The following ZFHX3 variants were observed in gnomAD, a reference collection of about 807,000 sequenced individuals.
ZFHX3 encodes zinc finger homeobox 3.
A neutral mutation model predicts 279.1 loss-of-function variants in ZFHX3; 42 were observed. That is an observed-to-expected ratio of 0.15 (90% CI 0.12 to 0.19). The LOEUF (loss-of-function observed/expected upper bound fraction) is 0.19, where lower values mean the gene tolerates loss of function less well. Ranked by LOEUF, ZFHX3 falls within the 10% of genes least tolerant of loss-of-function variation. The probability of loss-of-function intolerance (pLI) is 1.00; values close to 1 mark genes in which losing one functional copy is unlikely to be tolerated. For missense variants in ZFHX3, 4,981 were observed against 4,754.0 expected (o/e 1.05, Z -1.40); for synonymous variants, 2,293 against 1,957.8 (o/e 1.17, Z -4.52).
intron 2 of ZFHX3, chr16:73,554,536 C>T (rs2020246025): frequency 6.6e-6 from 1 of 152,242 alleles, no homozygotes; most frequent in South Asian, 2.1e-4. Flanking sequence ...CTTCTCTTTG[C>T]TTTCTACAGA....
At chr16:72,967,687 C>T (rs28780443) in intron 1 of ZFHX3, among the ~76,000 whole-genome samples, 2,106 of 150,318 alleles carry the variant, frequency 0.014, 42 homozygotes, top group African/African-American at 0.047. Context: ...GAGGCCGAGG[C>T]GGGCAGATCA....
intron 2 of ZFHX3, among the ~76,000 whole-genome samples, chr16:73,459,368 T>G (rs1372659677): frequency 2.6e-5 from 4 of 152,204 alleles, no homozygotes; most frequent in Non-Finnish European, 4.4e-5. Context: ...TGTTGTTGTT[T>G]TTTTTTCTGA....
At chr16:73,673,927 T>C (rs890814735) in intron 2 of ZFHX3, among the ~76,000 whole-genome samples, 13 of 152,268 alleles carry the variant, frequency 8.5e-5, no homozygotes, top group Admixed American at 6.5e-4. Context: ...AGGAGACAGG[T>C]ATGAGAGCAA....
At position 72,797,295 on chromosome 16, in the gene ZFHX3, A is replaced by T; in HGVS notation, c.5387T>A (p.Leu1796His). 1.2e-6 allele frequency: 2 copies of T among 1,608,094 alleles called. No individual in the cohort carries two copies. The highest frequency in any genetic ancestry group is 1.7e-6 in the Non-Finnish European group (2 of 1,176,478). ...ACTGGGGATGTAGAAAGGGAAGAGG[A>T]GGTGCTGCTGCTGCTGTAGTTGCAG... ...TLLQLQQQQH[L>H]LFPFYIPSAE... The change falls in exon 9 of 10, where the codon CTC (leucine) becomes CAC (histidine). Residue 1796 changes from leucine (L) to histidine (H), a missense_variant. Leu to His is a moderately conservative substitution (Grantham distance 99). Around this residue, in one of 7 missense-constraint regions of ZFHX3, gnomAD observed 1,751 missense variants for 1,770.0 expected, o/e 0.99. Coordinates refer to ENST00000268489, the MANE Select transcript of ZFHX3 (RefSeq NM_006885.4).
intron 7 of ZFHX3, among the ~76,000 whole-genome samples, chr16:73,108,174 C>T (rs1413831976): frequency 6.6e-6 from 1 of 151,612 alleles, no homozygotes; most frequent in Non-Finnish European, 1.5e-5. Flanking sequence ...TAAACAACAA[C>T]AACAACAAAA....
chr16:73,040,245 G>T (rs1273783224), intron 1 of ZFHX3, among the ~76,000 whole-genome samples: 2 of 152,132 alleles, frequency 1.3e-5, no homozygotes, highest in African/African-American at 4.8e-5. Flanking sequence ...GATGGGGCCT[G>T]CAGGTATAGG....
At chr16:73,849,565 G>C (rs996217396) in intron 1 of ZFHX3, among the ~76,000 whole-genome samples, 3 of 152,098 alleles carry the variant, frequency 2.0e-5, no homozygotes, top group Non-Finnish European at 4.4e-5. Flanking sequence ...ATGAAATGAG[G>C]GTAATTCTCC....
At chr16:73,773,081 T>C (rs2054037733) in intron 1 of ZFHX3, among the ~76,000 whole-genome samples, 1 of 152,222 alleles carries the variant, frequency 6.6e-6, no homozygotes, top group Non-Finnish European at 1.5e-5. Flanking sequence ...CTACTCAAAG[T>C]TAATGAAATT....
chr16:73,049,082 C>T, upstream of ZFHX3, among the ~76,000 whole-genome samples: 1 of 152,176 alleles, frequency 6.6e-6, no homozygotes, highest in East Asian at 1.9e-4. Context: ...TCCCCAAGTT[C>T]ACCTTTTCCA....
chr16:72,865,963 C>T lies in ZFHX3; in HGVS notation c.3448+23768G>A, dbSNP rs1035233635. Among the ~76,000 whole-genome samples, 8 of 152,230 alleles carry T rather than the reference C, an allele frequency of 5.3e-5. No homozygotes were observed. In the South Asian group the frequency reaches 1.2e-3, roughly 24 times the overall value. Reference sequence around the variant, plus strand: ...CAGCCCTAAGTGGGAAAGGGAGACCCGGGGCTTCTCTGAGCTCAACATACT... The same window carrying T: ...CAGCCCTAAGTGGGAAAGGGAGACCTGGGGCTTCTCTGAGCTCAACATACT... On this transcript the variant is annotated intron_variant, in intron 4 of 9. Coordinates refer to ENST00000268489, the MANE Select transcript of ZFHX3 (RefSeq NM_006885.4).
At chr16:73,697,217 CT>C (rs78469043) in intron 1 of ZFHX3, among the ~76,000 whole-genome samples, 2,206 of 133,684 alleles carry the variant, frequency 0.017, 17 homozygotes, top group African/African-American at 0.037. Flanking sequence ...ATTCTAACCT[CT>C]TTTTTTTTTT....
intron 2 of ZFHX3, among the ~76,000 whole-genome samples, chr16:73,518,891 T>C (rs1449147516): frequency 6.6e-6 from 1 of 152,128 alleles, no homozygotes; most frequent in Non-Finnish European, 1.5e-5. Flanking sequence ...TATTATGCCA[T>C]GGAATGAAAA....
At chr16:73,757,980 T>A (rs1360353297) in intron 1 of ZFHX3, among the ~76,000 whole-genome samples, 1 of 152,214 alleles carries the variant, frequency 6.6e-6, no homozygotes, top group Admixed American at 6.5e-5. Context: ...TAAAGCTCCT[T>A]AAGCATAAGT....
At chr16:72,829,725 A>G (rs2037019509) in intron 5 of ZFHX3, 54 bp downstream of exon 5, 9 of 1,587,668 alleles carry the variant, frequency 5.7e-6, no homozygotes, top group Non-Finnish European at 7.8e-6. Context: ...AAAGATGAGA[A>G]GGCTCAAGGA....
At chr16:73,543,384 G>C (rs1440722671) in intron 2 of ZFHX3, among the ~76,000 whole-genome samples, 1 of 152,160 alleles carries the variant, frequency 6.6e-6, no homozygotes, top group Non-Finnish European at 1.5e-5. Context: ...AGTTTCAATG[G>C]GAGGGATTAA....
At chr16:72,900,528 A>G (rs2039009262) in intron 3 of ZFHX3, among the ~76,000 whole-genome samples, 1 of 152,202 alleles carries the variant, frequency 6.6e-6, no homozygotes, top group African/African-American at 2.4e-5. Flanking sequence ...AGAACTACCC[A>G]AATATTTGAG....
intron 1 of ZFHX3, among the ~76,000 whole-genome samples, chr16:73,036,590 G>A (rs1964915260): frequency 6.6e-6 from 1 of 152,042 alleles, no homozygotes; most frequent in East Asian, 1.9e-4. Flanking sequence ...GGGAGGAGGA[G>A]GGAGGTGGAG....
intron 4 of ZFHX3, among the ~76,000 whole-genome samples, chr16:73,275,936 A>G (rs2014284799): frequency 6.6e-6 from 1 of 152,126 alleles, no homozygotes; most frequent in African/African-American, 2.4e-5. Context: ...TATGGACCGT[A>G]TCCTTTGCTC....
chr16:73,230,833 G>C (rs1359248957), intron 5 of ZFHX3, among the ~76,000 whole-genome samples: 1 of 152,192 alleles, frequency 6.6e-6, no homozygotes, highest in African/African-American at 2.4e-5. Flanking sequence ...AAAAAAATCA[G>C]TGTTCCTGCT....
Sources: allele counts gnomAD v4.1 joint callset (sites outside exome capture counted in the v4.1 genomes callset), GRCh38; gene constraint gnomAD v4.1.1; regional missense constraint gnomAD v4.1.1; transcripts MANE v1.5; gene names NCBI Gene and HGNC (gene_info 2026-07-23, HGNC 2026-07-21).